The following FECH variants were observed in gnomAD, a reference collection of about 807,000 sequenced individuals.
FECH encodes ferrochelatase, mitochondrial.
Under a neutral mutation model 56.9 loss-of-function variants are expected in FECH, and 40 were observed. That is an observed-to-expected ratio of 0.70 (90% CI 0.55 to 0.92). FECH has a LOEUF of 0.92. Ranked by LOEUF, FECH falls within the 40% of genes least tolerant of loss-of-function variation. The pLI, the probability that FECH is intolerant of heterozygous loss-of-function variation, is 0.00. For synonymous variants in FECH, 175 were observed against 198.6 expected, an observed-to-expected ratio of 0.88 and a Z score of 1.00; for missense variants, 431 against 529.1, an observed-to-expected ratio of 0.81 and a Z score of 1.82.
chr18:57,556,279 C>T (rs536393696), intron 7 of FECH, among the ~76,000 whole-genome samples: 43 of 151,952 alleles, frequency 2.8e-4, no homozygotes, highest in African/African-American at 9.9e-4. Flanking sequence ...ACTACAAACA[C>T]GATCTACCCA....
At chr18:57,554,740 G>T in intron 8 of FECH, 105 bp downstream of exon 8, 1 of 919,528 alleles carries the variant, frequency 1.1e-6, no homozygotes, top group East Asian at 2.5e-5. Context: ...ATCAGGTTAT[G>T]GAAGAGCCTG....
intron 2 of FECH, among the ~76,000 whole-genome samples, chr18:57,578,318 C>A (rs1390507830): frequency 3.3e-5 from 5 of 152,172 alleles, no homozygotes; most frequent in Non-Finnish European, 7.3e-5. Flanking sequence ...AGCACTCAGT[C>A]ATCATACCCA....
At chr18:57,554,760 A>G (rs1199821331) in intron 8 of FECH, 85 bp downstream of exon 8, 1 of 1,145,064 alleles carries the variant, frequency 8.7e-7, no homozygotes, top group Non-Finnish European at 1.3e-6. Flanking sequence ...GACCATGTGT[A>G]AGAGCCAAAT....
chr18:57,567,850 T>A (rs2051038663), intron 4 of FECH: 1 of 152,202 alleles, frequency 6.6e-6, no homozygotes. Flanking sequence ...GAAAGGCTGG[T>A]CGGACTCAGT....
chr18:57,584,377 C>A (rs2051334591), intron 1 of FECH, among the ~76,000 whole-genome samples: 1 of 141,968 alleles, frequency 7.0e-6, no homozygotes, highest in African/African-American at 2.6e-5. Flanking sequence ...AATTCCTGGA[C>A]AAATCCAATA....
intron 5 of FECH, among the ~76,000 whole-genome samples, chr18:57,563,255 G>A (rs1473552397): frequency 6.6e-6 from 1 of 152,138 alleles, no homozygotes; most frequent in African/African-American, 2.4e-5. Flanking sequence ...TGAAATATAA[G>A]CAGTCATATT....
At chr18:57,578,231 T>C (rs989575923) in intron 2 of FECH, among the ~76,000 whole-genome samples, 3 of 152,064 alleles carry the variant, frequency 2.0e-5, no homozygotes, top group Non-Finnish European at 4.4e-5. Flanking sequence ...CAAGGAGAAA[T>C]GGAATGGGCC....
Position 57,545,654 on chromosome 18 carries a change from T to G in FECH, c.*5058A>C, listed in dbSNP as rs1041344746. Among the ~76,000 whole-genome samples the G allele has an allele frequency of 6.6e-6, 1 of 152,176 alleles. No homozygotes were observed. The highest frequency in any genetic ancestry group is 6.5e-5 in the Admixed American group (1 of 15,280). On this transcript the variant is annotated 3_prime_UTR_variant, in exon 11 of 11. Transcript: ENST00000262093. The stretch of plus-strand genomic sequence containing the variant: ...TTCAACAAATATTAGCAGCATCAAT[T>G]TACTTCTCTGAAGCACCTGCAGGTA...
intron 2 of FECH, among the ~76,000 whole-genome samples, chr18:57,578,418 T>A (rs2122349505): frequency 6.6e-6 from 1 of 152,326 alleles, no homozygotes; most frequent in Admixed American, 6.5e-5. Flanking sequence ...CTCATGCCTG[T>A]AATACCAGCA....
chr18:57,584,750 G>A (rs1248327829), intron 1 of FECH, among the ~76,000 whole-genome samples: 3 of 151,094 alleles, frequency 2.0e-5, no homozygotes, highest in African/African-American at 7.3e-5. Context: ...TGCTGATATG[G>A]AGCCAAAATG....
In FECH at chr18:57,580,218, G is replaced by A; in HGVS notation, c.68-19C>T. Reference sequence around the variant, plus strand: ...GATGCCACTGTGACAAAATTAAAGTGCTCGCATGAAATCTAGCTAGAAAGT... The same window carrying A: ...GATGCCACTGTGACAAAATTAAAGTACTCGCATGAAATCTAGCTAGAAAGT... On this transcript the variant is annotated intron_variant, in intron 1 of 10. Transcript: ENST00000262093. The A allele has an allele frequency of 6.2e-7, 1 of 1,614,040 alleles. No homozygotes were observed. Among genetic ancestry groups the A allele is most frequent in the South Asian group, 1.1e-5 (1 of 91,070 alleles).
At position 57,546,344 on chromosome 18, in the gene FECH, C is replaced by A. The variant is rs543603003; in HGVS notation, c.*4368G>T. 8.5e-4 allele frequency among the ~76,000 whole-genome samples: 129 copies of A among 152,216 alleles called. No homozygotes were observed. Among genetic ancestry groups the A allele is most frequent in the Non-Finnish European group, 1.6e-3 (109 of 68,002 alleles). ...GTCGTTGGGCAAGGTGGTCCTTTGC[C>A]GCATCGACAGGAGCTCATACGGCAG... On this transcript the variant is annotated 3_prime_UTR_variant, in exon 11 of 11. Coordinates refer to ENST00000262093, the MANE Select transcript of FECH (RefSeq NM_000140.5).
intron 1 of FECH, among the ~76,000 whole-genome samples, chr18:57,581,942 C>G (rs541998756): frequency 1.3e-5 from 2 of 152,180 alleles, no homozygotes; most frequent in Admixed American, 6.5e-5. Flanking sequence ...TCTTTACCAA[C>G]TCAAAGTGGA....
At chr18:57,570,915 G>A (rs2051095755) in intron 4 of FECH, among the ~76,000 whole-genome samples, 1 of 152,174 alleles carries the variant, frequency 6.6e-6, no homozygotes, top group African/African-American at 2.4e-5. Flanking sequence ...GATATTCTGA[G>A]AGCTGAAAGC....
rs893142517 is a variant in FECH, at chr18:57,550,630, A to T, written c.*82T>A. ...CAAGGAAGGATGACTTCCTTCCTTG[A>T]TCTCTAAATAACACCCTCTCCACAT... On this transcript the variant is annotated 3_prime_UTR_variant, in exon 11 of 11. Coordinates refer to ENST00000262093, the MANE Select transcript of FECH (RefSeq NM_000140.5). The T allele has an allele frequency of 2.5e-6, 4 of 1,573,262 alleles. No homozygotes were observed. The highest frequency in any genetic ancestry group is 3.3e-5 in the Admixed American group (2 of 59,750).
At chr18:57,564,729 C>T (rs1021225104) in intron 5 of FECH, among the ~76,000 whole-genome samples, 1 of 152,166 alleles carries the variant, frequency 6.6e-6, no homozygotes, top group African/African-American at 2.4e-5. Flanking sequence ...AAAGTTGTCA[C>T]GACCATATTC....
chr18:57,555,866 C>T (rs1488888705), intron 7 of FECH, among the ~76,000 whole-genome samples: 1 of 152,222 alleles, frequency 6.6e-6, no homozygotes, highest in African/African-American at 2.4e-5. Flanking sequence ...CAGTGGCTCA[C>T]GCCTGTAATC....
At chr18:57,553,229 A>ATTT (rs1159582849) in intron 9 of FECH, among the ~76,000 whole-genome samples, 1 of 151,860 alleles carries the variant, frequency 6.6e-6, no homozygotes, top group African/African-American at 2.4e-5. Context: ...TGCTGCAACC[A>ATTT]TTTCTTAGCC....
chr18:57,579,762 G>A (rs1468381930), intron 2 of FECH, among the ~76,000 whole-genome samples: 1 of 152,160 alleles, frequency 6.6e-6, no homozygotes, highest in African/African-American at 2.4e-5. Context: ...AATTATGTTA[G>A]GTTCGTAAAT....
Sources: allele counts gnomAD v4.1 joint callset (sites outside exome capture counted in the v4.1 genomes callset), GRCh38; gene constraint gnomAD v4.1.1; transcripts MANE v1.5; gene names NCBI Gene and HGNC (gene_info 2026-07-23, HGNC 2026-07-21).